CLCA2: variants seen among roughly 807,000 people sequenced by gnomAD.
CLCA2 encodes chloride channel accessory 2, also known as calcium-activated chloride channel regulator 2.
A neutral mutation model predicts 82.9 loss-of-function variants in CLCA2; 85 were observed. That is an observed-to-expected ratio of 1.03 (90% CI 0.86 to 1.23). The LOEUF is 1.23. CLCA2 is among the 50% of genes most tolerant of loss of function. The probability of loss-of-function intolerance (pLI) is 0.00; values close to 1 mark genes in which losing one functional copy is unlikely to be tolerated. For missense variants in CLCA2, 1,089 were observed against 1,124.8 expected, an observed-to-expected ratio of 0.97 and a Z score of 0.45; for synonymous variants, 421 against 391.7, an observed-to-expected ratio of 1.07 and a Z score of -0.88.
In CLCA2 at chr1:86,441,473, C is replaced by G; in HGVS notation, c.1418C>G (p.Ser473Cys). ...TTCTTTGTTCCAGATATATCAAACTCCAATAGCATGATTGATGCTTTCAGT... is the reference window on the plus strand; with the variant it reads ...TTCTTTGTTCCAGATATATCAAACTGCAATAGCATGATTGATGCTTTCAGT... ...LKFFVPDISNSNSMIDAFSRI... is the reference protein window; with the variant it reads ...LKFFVPDISNCNSMIDAFSRI... The change falls in exon 9 of 14, where the codon TCC becomes TGC. Residue 473 changes from serine to cysteine, a missense_variant. Transcript: ENST00000370565. The G allele has an allele frequency of 6.2e-7, 1 of 1,610,708 alleles. No homozygotes were observed. The highest frequency in any genetic ancestry group is 8.5e-7 in the Non-Finnish European group (1 of 1,177,494).
intron 7 of CLCA2, among the ~76,000 whole-genome samples, chr1:86,439,551 T>G (rs113793126): frequency 9.8e-5 from 15 of 152,316 alleles, no homozygotes; most frequent in African/African-American, 3.1e-4. Flanking sequence ...AGGCCAGAAG[T>G]GTGTTTCAGG....
intron 6 of CLCA2, among the ~76,000 whole-genome samples, chr1:86,436,809 G>A (rs1662617945): frequency 6.6e-6 from 1 of 152,134 alleles, no homozygotes; most frequent in South Asian, 2.1e-4. Flanking sequence ...CAACTCCCAG[G>A]TTCAAGTGAT....
In CLCA2 at chr1:86,428,429, A is replaced by T; in HGVS notation, c.336A>T (p.Ile112=). 1 of 1,600,276 alleles carries T rather than the reference A, an allele frequency of 6.2e-7. No individual in the cohort carries two copies. ...KQESYEKANV[I]VTDWYGAHGD... ...TTCTTTTAATTTAGGCAAATGTCAT[A>T]GTGACTGACTGGTATGGGGCACATG... The change falls in exon 3 of 14, where the codon ATA becomes ATT. Residue 112 remains isoleucine (I), a synonymous_variant. Transcript: ENST00000370565.
At chr1:86,451,292 G>A (rs983167606) in intron 12 of CLCA2, among the ~76,000 whole-genome samples, 2 of 152,088 alleles carry the variant, frequency 1.3e-5, no homozygotes, top group Admixed American at 6.6e-5. Flanking sequence ...GATAGGAAGC[G>A]GTGGTTAAAG....
rs902983511 is a variant in CLCA2, at chr1:86,443,928, G to A, written c.1630G>A (p.Asp544Asn). Residue 544 changes from aspartate to asparagine, a missense_variant, in exon 10 of 14, where the codon GAT becomes AAT. Transcript: ENST00000370565. The part of the protein sequence containing the change: ...GPPEIILFDP[D>N]GRKYYTNNFI... ...TCCTGAGATTATATTATTTGATCCT[G>A]ATGGACGAAAATACTACACAAATAA... 17 of 1,613,498 alleles carry A rather than the reference G, an allele frequency of 1.1e-5. No homozygotes were observed. Among genetic ancestry groups the A allele is most frequent in the Non-Finnish European group, 1.4e-5 (17 of 1,179,586 alleles).
At chr1:86,436,518 GGTAGCT>G (rs1319351216) in intron 6 of CLCA2, among the ~76,000 whole-genome samples, 11 of 152,268 alleles carry the variant, frequency 7.2e-5, no homozygotes, top group African/African-American at 2.6e-4. Context: ...AATAATAAGT[GGTAGCT>G]GTTTATTTTA....
chr1:86,444,040 C>T (rs781587661), intron 10 of CLCA2, 29 bp downstream of exon 10: 1 of 1,386,000 alleles, frequency 7.2e-7, no homozygotes, highest in East Asian at 2.3e-5. Context: ...TTCCTAAGGA[C>T]AACGTTCAAC....
intron 4 of CLCA2, among the ~76,000 whole-genome samples, chr1:86,432,017 C>T (rs1410053246): frequency 6.6e-6 from 1 of 152,176 alleles, no homozygotes; most frequent in African/African-American, 2.4e-5. Flanking sequence ...CTCACTGAAA[C>T]TTCTGCCACC....
In CLCA2 at chr1:86,447,735, G is replaced by C; in HGVS notation, c.1941G>C (p.Glu647Asp). The change falls in exon 11 of 14, where the codon GAG (glutamate) becomes GAC (aspartate). Residue 647 changes from glutamate (E) to aspartate (D), a missense_variant. By Grantham distance (45) the Glu-to-Asp change is conservative. Transcript: ENST00000370565. ...NATVTATVEP[E>D]TGDPVTLRLL... is the part of the protein sequence containing the mutation. ...CTGTCACTGCCACAGTTGAGCCAGA[G>C]ACTGGAGATCCTGTTACGCTGAGAC... The C allele has an allele frequency of 6.2e-7, 1 of 1,613,884 alleles. No individual in the cohort carries two copies.
Position 86,443,889 on chromosome 1 carries a change from C to T in CLCA2, c.1591C>T (p.Gln531Ter), listed in dbSNP as rs761678276. ...GNDTMFLVTW[Q>*]ASGPPEIILF... ...CGACACTATGTTTCTAGTTACGTGG[C>T]AGGCCAGTGGTCCTCCTGAGATTAT... The change falls in exon 10 of 14, where the codon CAG becomes TAG. Residue 531 changes from glutamine (Q) to a stop codon, truncating the protein, a stop_gained. Transcript: ENST00000370565. LOFTEE classifies it high-confidence loss of function. 5 of 1,613,548 alleles carry T rather than the reference C, an allele frequency of 3.1e-6. No individual in the cohort carries two copies. The highest frequency in any genetic ancestry group is 1.7e-5 in the Admixed American group (1 of 59,992).
In CLCA2 at chr1:86,434,616, C is replaced by T. The variant is rs1387369545; in HGVS notation, c.843C>T (p.Asp281=). The change falls in exon 6 of 14, where the codon GAC becomes GAT. Residue 281 remains aspartate (D), a synonymous_variant. Transcript: ENST00000370565. ...SLRSAWDVIT[D]SADFHHSFPM... Reference sequence around the variant, plus strand: ...GAAGTGCATGGGATGTAATCACAGACTCTGCTGACTTTCACCACAGCTTTC... The same window carrying T: ...GAAGTGCATGGGATGTAATCACAGATTCTGCTGACTTTCACCACAGCTTTC... 1.9e-6 allele frequency: 3 copies of T among 1,614,124 alleles called. No individual in the cohort carries two copies. The highest frequency in any genetic ancestry group is 2.5e-6 in the Non-Finnish European group (3 of 1,179,990).
At chr1:86,428,358 A>G in intron 2 of CLCA2, 60 bp from the exon 3 acceptor site, 2 of 1,478,190 alleles carry the variant, frequency 1.4e-6, no homozygotes. Flanking sequence ...ATGAATGTAT[A>G]CATTTATGTC....
chr1:86,453,687 TAC>T (rs1317563036), intron 13 of CLCA2, 85 bp downstream of exon 13: 1 of 1,173,886 alleles, frequency 8.5e-7, no homozygotes, highest in East Asian at 2.4e-5. Context: ...CTGAAAAAGG[TAC>T]AGAGGATTGT....
At chr1:86,433,318 T>C (rs1662536900) in intron 5 of CLCA2, among the ~76,000 whole-genome samples, 1 of 152,194 alleles carries the variant, frequency 6.6e-6, no homozygotes, top group Admixed American at 6.5e-5. Flanking sequence ...TCTTCACAGA[T>C]CTGGGGGTAC....
chr1:86,427,065 C>G (rs1413809397), intron 2 of CLCA2, among the ~76,000 whole-genome samples: 2 of 152,092 alleles, frequency 1.3e-5, no homozygotes, highest in Non-Finnish European at 2.9e-5. Context: ...ATGTACGGGA[C>G]CACGCTAGGC....
At chr1:86,426,612 C>T (rs1662391508) in intron 2 of CLCA2, among the ~76,000 whole-genome samples, 1 of 152,128 alleles carries the variant, frequency 6.6e-6, no homozygotes, top group Non-Finnish European at 1.5e-5. Context: ...AGGCATTTTA[C>T]ATATATTATT....
chr1:86,441,459 A>G lies in CLCA2; in HGVS notation c.1404A>G (p.Pro468=). 1 of 1,607,328 alleles carries G rather than the reference A, an allele frequency of 6.2e-7. No homozygotes were observed. Among genetic ancestry groups the G allele is most frequent in the Non-Finnish European group, 8.5e-7 (1 of 1,174,792 alleles). ...CAGGAGGTTTAAAGTTCTTTGTTCC[A>G]GATATATCAAACTCCAATAGCATGA... ...RLTGGLKFFV[P]DISNSNSMID... is the part of the protein sequence containing the mutation. Residue 468 remains proline, a synonymous_variant, in exon 9 of 14, where the codon CCA becomes CCG. Coordinates refer to ENST00000370565, the MANE Select transcript of CLCA2 (RefSeq NM_006536.7).
chr1:86,440,965 A>G (rs1662718360), intron 8 of CLCA2, among the ~76,000 whole-genome samples: 1 of 152,212 alleles, frequency 6.6e-6, no homozygotes, highest in Non-Finnish European at 1.5e-5. Flanking sequence ...TTTAAGATAC[A>G]TATCTTTTTA....
Position 86,439,059 on chromosome 1 carries a change from G to A in CLCA2, c.1156G>A (p.Ala386Thr), listed in dbSNP as rs1178198260. The A allele has an allele frequency of 1.2e-5, 20 of 1,614,114 alleles. No homozygotes were observed. Among genetic ancestry groups the A allele is most frequent in the Non-Finnish European group, 1.7e-5 (20 of 1,179,992 alleles). The change falls in exon 7 of 14, where the codon GCT (alanine) becomes ACT (threonine). Residue 386 changes from alanine (A) to threonine (T), a missense_variant. Ala to Thr is a moderately conservative substitution (Grantham distance 58). Coordinates refer to ENST00000370565, the MANE Select transcript of CLCA2 (RefSeq NM_006536.7). ...TTCATATCTGCCCACCACTGTATCA[G>A]CTAAAACAGACATCAGCATTTGTTC... is the stretch of plus-strand genomic sequence containing the variant. ...LVSYLPTTVS[A>T]KTDISICSGL...
Sources: allele counts gnomAD v4.1 joint callset (sites outside exome capture counted in the v4.1 genomes callset), GRCh38; gene constraint gnomAD v4.1.1; transcripts MANE v1.5; gene names NCBI Gene and HGNC (gene_info 2026-07-23, HGNC 2026-07-21).